ZNF618: variants seen among roughly 807,000 people sequenced by gnomAD.
ZNF618 encodes the protein neural precursor cell expressed, developmentally down-regulated 10.
ZNF618 carries 34 observed loss-of-function variants against 103.0 expected under a neutral mutation model. That is an observed-to-expected ratio of 0.33 (90% CI 0.25 to 0.44). ZNF618 has a LOEUF of 0.44. Ranked by LOEUF, ZNF618 falls within the 20% of genes least tolerant of loss-of-function variation. ZNF618 has a pLI of 1.00. For synonymous variants in ZNF618, 551 were observed against 542.2 expected, an observed-to-expected ratio of 1.02 and a Z score of -0.23; for missense variants, 1,059 against 1,295.4, an observed-to-expected ratio of 0.82 and a Z score of 2.80.
At chr9:113,972,154 CCTT>C (rs751565784) in intron 2 of ZNF618, among the ~76,000 whole-genome samples, 3,388 of 152,238 alleles carry the variant, frequency 0.022, 54 homozygotes, top group Non-Finnish European at 0.033. Context: ...CTCAAGCAAT[CCTT>C]CCATCTCAGC....
At chr9:114,027,711 C>T (rs554806212) in intron 10 of ZNF618, among the ~76,000 whole-genome samples, 4 of 152,238 alleles carry the variant, frequency 2.6e-5, no homozygotes, top group African/African-American at 9.6e-5. Flanking sequence ...GATAATGGGG[C>T]CTGCCTCCAC....
chr9:114,042,071 A>G (rs978763835), intron 13 of ZNF618, among the ~76,000 whole-genome samples: 1 of 152,182 alleles, frequency 6.6e-6, no homozygotes, highest in African/African-American at 2.4e-5. Flanking sequence ...ATTCCTAGAA[A>G]TACCAAGGCT....
At chr9:113,886,086 G>A (rs978455995) in intron 1 of ZNF618, among the ~76,000 whole-genome samples, 1 of 152,206 alleles carries the variant, frequency 6.6e-6, no homozygotes. Flanking sequence ...GAAACCTGGT[G>A]TCTCCCCCAG....
intron 5 of ZNF618, 51 bp from the exon 6 acceptor site, chr9:114,002,573 T>G: frequency 2.5e-6 from 4 of 1,592,672 alleles, no homozygotes; most frequent in Non-Finnish European, 3.4e-6. Flanking sequence ...GCACTGGCCC[T>G]GTCATTGGCC....
At chr9:114,009,624 C>T (rs895379778) in intron 9 of ZNF618, among the ~76,000 whole-genome samples, 1 of 152,116 alleles carries the variant, frequency 6.6e-6, no homozygotes, top group African/African-American at 2.4e-5. Context: ...TCACTTACTA[C>T]CCAGCAAGAA....
At chr9:113,961,402 A>G (rs1235811248) in intron 1 of ZNF618, among the ~76,000 whole-genome samples, 1 of 152,270 alleles carries the variant, frequency 6.6e-6, no homozygotes, top group African/African-American at 2.4e-5. Flanking sequence ...GCGAATGAAT[A>G]AGGAACCAGG....
At chr9:113,916,411 TAAG>T (rs1294968020) in intron 1 of ZNF618, among the ~76,000 whole-genome samples, 3 of 152,136 alleles carry the variant, frequency 2.0e-5, no homozygotes, top group Non-Finnish European at 2.9e-5. Flanking sequence ...GCCAAAAACT[TAAG>T]AAGAGCCTAA....
At chr9:114,025,564 G>A (rs577930781) in intron 10 of ZNF618, among the ~76,000 whole-genome samples, 2 of 152,326 alleles carry the variant, frequency 1.3e-5, no homozygotes, top group Admixed American at 6.5e-5. Flanking sequence ...AGCTCAGGTA[G>A]GAATTCCAGC....
At chr9:113,878,719 A>G (rs1042820061) in intron 1 of ZNF618, among the ~76,000 whole-genome samples, 2 of 152,170 alleles carry the variant, frequency 1.3e-5, no homozygotes, top group Non-Finnish European at 2.9e-5. Context: ...TTGGAAATTG[A>G]TGGTGGGTCA....
At chr9:113,908,899 C>T (rs542695868) in intron 1 of ZNF618, among the ~76,000 whole-genome samples, 9 of 151,826 alleles carry the variant, frequency 5.9e-5, no homozygotes, top group Admixed American at 3.9e-4. Flanking sequence ...TCTTTCCTGC[C>T]TCTGCTTGGG....
intron 3 of ZNF618, among the ~76,000 whole-genome samples, chr9:113,995,566 G>A (rs1840495762): frequency 6.6e-6 from 1 of 152,188 alleles, no homozygotes; most frequent in African/African-American, 2.4e-5. Context: ...GTAGCTGGCA[G>A]TGGATAGAGT....
chr9:113,898,834 T>C (rs1181716713), intron 1 of ZNF618, among the ~76,000 whole-genome samples: 1 of 152,236 alleles, frequency 6.6e-6, no homozygotes, highest in Non-Finnish European at 1.5e-5. Context: ...TCCTTTGGCT[T>C]GGTGAAGCTG....
intron 1 of ZNF618, among the ~76,000 whole-genome samples, chr9:113,929,369 C>G (rs1427106965): frequency 6.6e-6 from 1 of 152,310 alleles, no homozygotes; most frequent in Admixed American, 6.5e-5. Flanking sequence ...TGCTCTGTGG[C>G]CTCAATCCTC....
At chr9:114,007,201 C>G in intron 6 of ZNF618, 149 bp from the exon 7 acceptor site, 1 of 673,122 alleles carries the variant, frequency 1.5e-6, no homozygotes, top group Non-Finnish European at 2.5e-6. Context: ...CCTCAGTTTC[C>G]TCATGTGTAA....
intron 1 of ZNF618, among the ~76,000 whole-genome samples, chr9:113,942,624 C>T (rs1013551250): frequency 1.3e-5 from 2 of 152,132 alleles, no homozygotes; most frequent in African/African-American, 2.4e-5. Flanking sequence ...TTGGAGCAGA[C>T]GATGAATCAG....
chr9:114,026,345 A>C (rs1353568229), intron 10 of ZNF618, among the ~76,000 whole-genome samples: 2 of 152,312 alleles, frequency 1.3e-5, no homozygotes, highest in South Asian at 4.2e-4. Flanking sequence ...CTATGATACC[A>C]TGTGCTTTAT....
chr9:113,938,596 T>C (rs1199843831), intron 1 of ZNF618, among the ~76,000 whole-genome samples: 1 of 142,000 alleles, frequency 7.0e-6, no homozygotes, highest in East Asian at 2.1e-4. Context: ...TGAGATGGAG[T>C]CTAGCTCTAT....
intron 13 of ZNF618, among the ~76,000 whole-genome samples, chr9:114,039,293 G>A (rs1246732492): frequency 6.6e-6 from 1 of 151,946 alleles, no homozygotes; most frequent in Non-Finnish European, 1.5e-5. Flanking sequence ...CATGGGTTTA[G>A]GATTTTGGAG....
intron 1 of ZNF618, among the ~76,000 whole-genome samples, chr9:113,929,505 G>C (rs1056589120): frequency 6.6e-6 from 1 of 152,202 alleles, no homozygotes; most frequent in African/African-American, 2.4e-5. Flanking sequence ...CACCTGGTAG[G>C]TGTTGATGTT....
Sources: gnomAD v4.1 joint callset for allele counts (sites outside exome capture counted in the v4.1 genomes callset) on GRCh38, gnomAD v4.1.1 for gene constraint, MANE v1.5 for transcripts, NCBI Gene and HGNC (gene_info 2026-07-23, HGNC 2026-07-21) for gene names.